The following THSD7B variants were observed in gnomAD, a reference collection of about 807,000 sequenced individuals.
The protein encoded by THSD7B is thrombospondin type 1 domain containing 7B, also known as thrombospondin type-1 domain-containing protein 7B.
THSD7B carries 138 observed loss-of-function variants against 213.6 expected under a neutral mutation model. The ratio of observed to expected loss-of-function variants is 0.65; its 90% CI spans 0.56 to 0.74. The LOEUF is 0.74. Among genes scored for constraint, THSD7B ranks in the 30% least tolerant of loss-of-function variants. The pLI, the probability that THSD7B is intolerant of heterozygous loss-of-function variation, is 0.00. For synonymous variants in THSD7B, 742 were observed against 687.0 expected, an observed-to-expected ratio of 1.08 and a Z score of -1.25; for missense variants, 1,931 against 1,991.5, an observed-to-expected ratio of 0.97 and a Z score of 0.58.
chr2:137,519,909 G>A (rs1680147563), intron 15 of THSD7B, among the ~76,000 whole-genome samples: 1 of 152,200 alleles, frequency 6.6e-6, no homozygotes, highest in Non-Finnish European at 1.5e-5. Flanking sequence ...GAGAATGAGT[G>A]AATCGCAGCA....
intron 2 of THSD7B, among the ~76,000 whole-genome samples, chr2:136,917,270 C>T (rs1233158527): frequency 1.3e-5 from 2 of 152,100 alleles, no homozygotes; most frequent in African/African-American, 4.8e-5. Flanking sequence ...GTTCCTAGTC[C>T]CCTAGTTCCT....
At position 137,188,419 on chromosome 2, in the gene THSD7B, AT is replaced by A. The variant is rs544748404; in HGVS notation, c.1723+17483del. On this transcript the variant is annotated intron_variant, in intron 7 of 27. Transcript: ENST00000409968. ...ATTCATTTAACAGATAATTTTCCAAATTATTTTCCATGGGATATTAGTTCCA... is the reference window on the plus strand; with the variant it reads ...ATTCATTTAACAGATAATTTTCCAAATATTTTCCATGGGATATTAGTTCCA... Among the ~76,000 whole-genome samples, 622 of 152,264 alleles carry A rather than the reference AT, an allele frequency of 4.1e-3. 3 individuals carry two copies. Among genetic ancestry groups the A allele is most frequent in the Non-Finnish European group, 6.9e-3 (472 of 68,024 alleles).
intron 5 of THSD7B, among the ~76,000 whole-genome samples, chr2:137,119,551 A>G (rs1290239125): frequency 4.6e-5 from 7 of 152,180 alleles, no homozygotes; most frequent in Non-Finnish European, 8.8e-5. Flanking sequence ...CATGAAAAGA[A>G]ATGGAAAAGT....
intron 2 of THSD7B, among the ~76,000 whole-genome samples, chr2:137,004,495 T>A (rs1686066823): frequency 6.6e-6 from 1 of 152,220 alleles, no homozygotes; most frequent in African/African-American, 2.4e-5. Flanking sequence ...TATGATGGAT[T>A]TTTTAAAAGG....
intron 2 of THSD7B, among the ~76,000 whole-genome samples, chr2:136,923,797 G>A (rs946585613): frequency 1.3e-5 from 2 of 152,018 alleles, no homozygotes; most frequent in African/African-American, 4.8e-5. Flanking sequence ...TTTTTTAATA[G>A]AGTTTTTTGT....
chr2:136,900,396 T>C (rs1684043433), intron 2 of THSD7B, among the ~76,000 whole-genome samples: 1 of 152,166 alleles, frequency 6.6e-6, no homozygotes, highest in Non-Finnish European at 1.5e-5. Context: ...TGTGTTGTTA[T>C]CGATCAATAG....
intron 20 of THSD7B, among the ~76,000 whole-genome samples, chr2:137,624,961 G>A (rs559275556): frequency 6.6e-5 from 10 of 152,002 alleles, no homozygotes; most frequent in East Asian, 1.9e-4. Flanking sequence ...TTGACCCAGC[G>A]ATCCCATTAC....
At chr2:136,979,329 C>T (rs1685536920) in intron 2 of THSD7B, among the ~76,000 whole-genome samples, 1 of 152,130 alleles carries the variant, frequency 6.6e-6, no homozygotes, top group Non-Finnish European at 1.5e-5. Context: ...TGAATGTGAA[C>T]ATTGGCCTAT....
chr2:137,393,659 C>T (rs1686100705), intron 12 of THSD7B, among the ~76,000 whole-genome samples: 1 of 142,622 alleles, frequency 7.0e-6, no homozygotes, highest in South Asian at 2.3e-4. Flanking sequence ...GATTTATACT[C>T]CTTTGGGTAT....
At chr2:137,203,371 T>C (rs1680917037) in intron 7 of THSD7B, among the ~76,000 whole-genome samples, 1 of 152,094 alleles carries the variant, frequency 6.6e-6, no homozygotes, top group Non-Finnish European at 1.5e-5. Flanking sequence ...GGAATTGGCA[T>C]GGGTGTTAGA....
intron 16 of THSD7B, among the ~76,000 whole-genome samples, chr2:137,569,392 A>T (rs1239817676): frequency 6.6e-6 from 1 of 152,158 alleles, no homozygotes; most frequent in African/African-American, 2.4e-5. Context: ...GTCCCCATTA[A>T]GTGCACCAGC....
chr2:136,847,518 G>A (rs1288375242), intron 1 of THSD7B, among the ~76,000 whole-genome samples: 1 of 152,146 alleles, frequency 6.6e-6, no homozygotes, highest in Non-Finnish European at 1.5e-5. Context: ...AAAGTCCTTA[G>A]TGCCCAGTTT....
At chr2:136,826,653 G>T (rs1222839104) in intron 1 of THSD7B, among the ~76,000 whole-genome samples, 2 of 148,742 alleles carry the variant, frequency 1.3e-5, no homozygotes, top group African/African-American at 4.9e-5. Context: ...CATGATGCCT[G>T]GCAAAATGTG....
At chr2:136,995,954 C>G (rs1201853714) in intron 2 of THSD7B, among the ~76,000 whole-genome samples, 1 of 152,190 alleles carries the variant, frequency 6.6e-6, no homozygotes, top group Admixed American at 6.5e-5. Context: ...TAGATTCTGT[C>G]AGCTCTCACT....
intron 2 of THSD7B, among the ~76,000 whole-genome samples, chr2:136,946,467 C>T (rs1028244656): frequency 1.3e-5 from 2 of 152,202 alleles, no homozygotes; most frequent in Non-Finnish European, 2.9e-5. Context: ...GCGGTCTCTC[C>T]ATTCTCCGAG....
intron 12 of THSD7B, among the ~76,000 whole-genome samples, chr2:137,339,981 G>A (rs564952432): frequency 4.6e-5 from 7 of 151,478 alleles, no homozygotes; most frequent in South Asian, 2.1e-4. Context: ...TGTCTGGTGC[G>A]AAGGTCTAAT....
chr2:137,064,438 T>A (rs1275665975), intron 3 of THSD7B, among the ~76,000 whole-genome samples: 3 of 152,132 alleles, frequency 2.0e-5, no homozygotes, highest in Non-Finnish European at 4.4e-5. Context: ...TTGCAAAAAA[T>A]TTCTCTTATC....
rs115041827 is a variant in THSD7B at position 136,991,135 on chromosome 2, G to A, written c.140-65285G>A. Among the ~76,000 whole-genome samples, 1,054 of 152,288 alleles carry A rather than the reference G, an allele frequency of 6.9e-3. 11 individuals are homozygous for A. Among genetic ancestry groups the A allele is most frequent in the African/African-American group, 0.024 (1,006 of 41,564 alleles). On this transcript the variant is annotated intron_variant, in intron 2 of 27. Coordinates refer to ENST00000409968, the MANE Select transcript of THSD7B (RefSeq NM_001316349.2). ...CATAAAGTACTAGGCATATAATTTA[G>A]CATTTTAAAACTCAAGAGATTTTTC...
chr2:136,961,029 C>T (rs1298616790), intron 2 of THSD7B, among the ~76,000 whole-genome samples: 1 of 118,088 alleles, frequency 8.5e-6, no homozygotes, highest in Non-Finnish European at 1.6e-5. Context: ...ATGGAGCTTG[C>T]AGTGAGCCAA....
Sources: allele counts gnomAD v4.1 joint callset (sites outside exome capture counted in the v4.1 genomes callset), GRCh38; gene constraint gnomAD v4.1.1; transcripts MANE v1.5; gene names NCBI Gene and HGNC (gene_info 2026-07-23, HGNC 2026-07-21).